Variants in UCP3 observed in about 807,000 individuals in gnomAD.
UCP3 encodes the protein putative mitochondrial transporter UCP3.
A neutral mutation model predicts 28.1 loss-of-function variants in UCP3; 24 were observed. That is an observed-to-expected ratio of 0.85 (90% CI 0.62 to 1.20). The LOEUF is 1.20. Ranked by LOEUF, UCP3 falls within the 50% of genes most tolerant of loss-of-function variation. The pLI is 0.00. For missense variants in UCP3, 397 were observed against 422.2 expected, an observed-to-expected ratio of 0.94 and a Z score of 0.52; for synonymous variants, 184 against 171.2, an observed-to-expected ratio of 1.07 and a Z score of -0.59.
intron 1 of UCP3, among the ~76,000 whole-genome samples, chr11:74,008,640 CAG>C (rs1193022284): frequency 1.3e-5 from 2 of 152,132 alleles, no homozygotes; most frequent in African/African-American, 4.8e-5. Context: ...GGAGGAATCG[CAG>C]AGATTCTGGG....
At position 74,006,984 on chromosome 11, in the gene UCP3, G is replaced by A. The variant is rs775441399; in HGVS notation, c.59C>T (p.Ala20Val). The A allele has an allele frequency of 2.5e-6, 4 of 1,614,096 alleles. No homozygotes were observed. The African/African-American group carries it at 4.0e-5, about 16-fold the overall frequency. Residue 20 changes from alanine to valine, a missense_variant, in exon 2 of 7, where the codon GCA becomes GTA. Coordinates refer to ENST00000314032, the MANE Select transcript of UCP3 (RefSeq NM_003356.4). ...PPTMAVKFLG[A>V]GTAACFADLV... is the part of the protein sequence containing the mutation. The stretch of plus-strand genomic sequence containing the variant: ...GTCAGCAAAACAGGCTGCTGTGCCT[G>A]CCCCCAGGAACTTCACAGCCATGGT...
At chr11:74,001,703 G>T (rs756417496) in intron 6 of UCP3, 177 bp from the exon 7 acceptor site, 111 of 626,414 alleles carry the variant, frequency 1.8e-4, no homozygotes, top group Non-Finnish European at 2.9e-4. Context: ...GGGGATTTAG[G>T]CAGAAGTCGG....
chr11:74,001,750 G>T, intron 6 of UCP3: 1 of 531,846 alleles, frequency 1.9e-6, no homozygotes, highest in South Asian at 2.1e-5. Flanking sequence ...GTTTTGAGAC[G>T]GGTTACTGTG....
chr11:74,005,393 C>T (rs549924322), intron 4 of UCP3, among the ~76,000 whole-genome samples: 1 of 152,318 alleles, frequency 6.6e-6, no homozygotes, highest in South Asian at 2.1e-4. Flanking sequence ...GCAGAGCCCG[C>T]CTCTGGAGCT....
intron 1 of UCP3, chr11:74,007,424 A>C: frequency 5.1e-6 from 1 of 197,394 alleles, no homozygotes; most frequent in African/African-American, 2.3e-5. Flanking sequence ...TCTCCCCAAT[A>C]TCAAACTGCC....
chr11:74,007,938 G>A (rs1053833193), intron 1 of UCP3, among the ~76,000 whole-genome samples: 2 of 152,116 alleles, frequency 1.3e-5, no homozygotes, highest in Non-Finnish European at 2.9e-5. Context: ...GTCAAAAGTG[G>A]AACCCTCATT....
chr11:74,005,708 T>C (rs1015978647), intron 4 of UCP3, 22 bp downstream of exon 4: 4 of 1,613,502 alleles, frequency 2.5e-6, no homozygotes, highest in Non-Finnish European at 3.4e-6. Flanking sequence ...TAAGACCGCC[T>C]GCGTCCAGAG....
At chr11:74,001,722 A>C in intron 6 of UCP3, 196 bp from the exon 7 acceptor site, 1 of 574,144 alleles carries the variant, frequency 1.7e-6, no homozygotes, top group Non-Finnish European at 3.0e-6. Context: ...GGAGTAAGGA[A>C]AAGAAAAAAA....
Position 74,005,631 on chromosome 11 carries a change from C to T in UCP3, c.541+99G>A, listed in dbSNP as rs7125374. 7.2e-4 allele frequency: 955 copies of T among 1,330,824 alleles called. 5 individuals carry two copies. The African/African-American group carries it at 0.011, about 16-fold the overall frequency. The allele number at this position is 1,330,824 out of a possible 1,614,324, so 82.4% of individuals were successfully genotyped here. ...ATGTTCTTTCAGAATCACTGGAACACGCCATGCTGGGAGTCCCCTCCTTAC... is the reference window on the plus strand; with the variant it reads ...ATGTTCTTTCAGAATCACTGGAACATGCCATGCTGGGAGTCCCCTCCTTAC... On this transcript the variant is annotated intron_variant, in intron 4 of 6. Coordinates refer to ENST00000314032, the MANE Select transcript of UCP3 (RefSeq NM_003356.4).
intron 6 of UCP3, among the ~76,000 whole-genome samples, chr11:74,002,407 C>G (rs544065090): frequency 6.6e-6 from 1 of 152,254 alleles, no homozygotes; most frequent in East Asian, 1.9e-4. Flanking sequence ...TGGAGTCAGA[C>G]CTGGGTTCAA....
intron 3 of UCP3, 22 bp from the exon 4 acceptor site, chr11:74,005,955 G>A (rs753515876): frequency 6.2e-7 from 1 of 1,613,214 alleles, no homozygotes; most frequent in Admixed American, 1.7e-5. Context: ...AGAGAGAGTG[G>A]GCCAGTGTCC....
At chr11:74,006,014 T>C in intron 3 of UCP3, 81 bp from the exon 4 acceptor site, 4 of 1,571,574 alleles carry the variant, frequency 2.5e-6, no homozygotes, top group Non-Finnish European at 3.5e-6. Context: ...GGGCTGCCCC[T>C]GCAGCTTCCT....
Position 74,000,776 on chromosome 11 carries a change from T to C in UCP3, c.*636A>G, listed in dbSNP as rs1951616033. On this transcript the variant is annotated 3_prime_UTR_variant, in exon 7 of 7. Coordinates refer to ENST00000314032, the MANE Select transcript of UCP3 (RefSeq NM_003356.4). ...GGGGGCTGCCCTCTTGATTCTTCAG[T>C]GTCGTCAGGGAATATTTACGAGCCC... 2 of 152,498 alleles carry C rather than the reference T, an allele frequency of 1.3e-5. No homozygotes were observed. The highest frequency in any genetic ancestry group is 4.8e-5 in the African/African-American group (2 of 41,568). The allele number at this position is 152,498 out of a possible 1,614,324, so 9.4% of individuals were successfully genotyped here. A position where few individuals can be genotyped will look rare whatever the true frequency, so the allele number is the denominator to read the frequency against.
Position 74,007,046 on chromosome 11 carries a change from C to T in UCP3, c.-4G>A. 6.2e-7 allele frequency: 1 copy of T among 1,613,856 alleles called. No homozygotes were observed. Among genetic ancestry groups the T allele is most frequent in the Non-Finnish European group, 8.5e-7 (1 of 1,180,022 alleles). ...CTGAAGGCTTCAGTCCAACCATAGT[C>T]CTGGAAGGCTCTGCCCAGTCCCTTT... On this transcript the variant is annotated 5_prime_UTR_variant, in exon 2 of 7. Coordinates refer to ENST00000314032, the MANE Select transcript of UCP3 (RefSeq NM_003356.4).
rs1258636846 is a variant in UCP3, at chr11:74,000,346, C to CG, written c.*1065dup. Reference sequence around the variant, plus strand: ...AGTCATAATAATTTCCCGAGAATTCCGAGTCCTGCTACTTTAGGTTCTTGC... The same window carrying CG: ...AGTCATAATAATTTCCCGAGAATTCCGGAGTCCTGCTACTTTAGGTTCTTGC... On this transcript the variant is annotated 3_prime_UTR_variant, in exon 7 of 7. Coordinates refer to ENST00000314032, the MANE Select transcript of UCP3 (RefSeq NM_003356.4). The CG allele has an allele frequency of 7.2e-5, 11 of 151,830 alleles. No individual in the cohort carries two copies. The highest frequency in any genetic ancestry group is 1.3e-4 in the Non-Finnish European group (9 of 67,908). 9.4% of individuals were successfully genotyped at this position (151,830 alleles called of 1,614,324 possible). A position where few individuals can be genotyped will look rare whatever the true frequency, so the allele number is the denominator to read the frequency against.
chr11:74,007,938 G>T (rs1053833193), intron 1 of UCP3, among the ~76,000 whole-genome samples: 3 of 152,116 alleles, frequency 2.0e-5, no homozygotes, highest in African/African-American at 7.2e-5. Flanking sequence ...GTCAAAAGTG[G>T]AACCCTCATT....
In UCP3 at chr11:74,000,823, G is replaced by C. The variant is rs1303528929; in HGVS notation, c.*589C>G. 1.3e-5 allele frequency: 2 copies of C among 152,610 alleles called. No individual in the cohort carries two copies. The highest frequency in any genetic ancestry group is 6.5e-5 in the Admixed American group (1 of 15,316). The allele number at this position is 152,610 out of a possible 1,614,324, so 9.5% of individuals were successfully genotyped here. Reference sequence around the variant, plus strand: ...GCCCCAGCCTCACATGGGCCCAGCAGGGCTTCTTTAGCACAGGCTCTAGTT... The same window carrying C: ...GCCCCAGCCTCACATGGGCCCAGCACGGCTTCTTTAGCACAGGCTCTAGTT... On this transcript the variant is annotated 3_prime_UTR_variant, in exon 7 of 7. Transcript: ENST00000314032.
At chr11:74,001,823 A>C (rs1591233403) in intron 6 of UCP3, 1 of 379,484 alleles carries the variant, frequency 2.6e-6, no homozygotes, top group East Asian at 6.3e-5. Flanking sequence ...CTTTTTCACA[A>C]ACTGAGGCCC....
intron 5 of UCP3, 23 bp from the exon 6 acceptor site, chr11:74,004,030 T>G: frequency 6.2e-7 from 1 of 1,612,816 alleles, no homozygotes; most frequent in Non-Finnish European, 8.5e-7. Context: ...GACAAGCAAA[T>G]ATCAAGGAGT....
Sources: gnomAD v4.1 joint callset for allele counts (sites outside exome capture counted in the v4.1 genomes callset) on GRCh38, gnomAD v4.1.1 for gene constraint, MANE v1.5 for transcripts, NCBI Gene and HGNC (gene_info 2026-07-23, HGNC 2026-07-21) for gene names.